Variants in SLC5A12 observed in about 807,000 individuals in gnomAD.
SLC5A12 encodes the protein solute carrier family 5 member 12.
Under a neutral mutation model 72.7 loss-of-function variants are expected in SLC5A12, and 46 were observed. The ratio of observed to expected loss-of-function variants is 0.63; its 90% CI spans 0.50 to 0.81. The LOEUF (loss-of-function observed/expected upper bound fraction) is 0.81, where lower values mean the gene tolerates loss of function less well. SLC5A12 is among the 30% of genes least tolerant of loss of function. SLC5A12 has a pLI of 0.00. For synonymous variants in SLC5A12, 275 were observed against 264.4 expected (o/e 1.04, Z -0.39); for missense variants, 683 against 740.7 (o/e 0.92, Z 0.90).
chr11:26,722,904 C>A (rs12224615), upstream of SLC5A12, among the ~76,000 whole-genome samples: 84 of 150,616 alleles, frequency 5.6e-4, no homozygotes, highest in Non-Finnish European at 1.0e-3. Flanking sequence ...CTCTGTGAAG[C>A]TTTTCTGCCT....
chr11:26,675,087 C>CTGAATCAGAATAATTTAATT (rs1854235714), intron 13 of SLC5A12, among the ~76,000 whole-genome samples: 1 of 152,154 alleles, frequency 6.6e-6, no homozygotes, highest in African/African-American at 2.4e-5. Context: ...AAGGGCATCT[C>CTGAATCAGAATAATTTAATT]TGAATCAGAA....
Position 26,703,574 on chromosome 11 carries a change from T to C in SLC5A12, c.778A>G (p.Ile260Val). Residue 260 changes from isoleucine (I) to valine (V), a missense_variant, in exon 6 of 15, where the codon ATT becomes GTT. Ile to Val is a conservative substitution (Grantham distance 29). Transcript: ENST00000396005. ...GTTTTGCAAGAGATGCATCGCTGAA[T>C]AGTTGATTGATTGACCCCATAGATT... ...LGIYGVNQST[I>V]QRCISCKTEK... is the part of the protein sequence containing the mutation. 1 of 1,613,990 alleles carries C rather than the reference T, an allele frequency of 6.2e-7. No homozygotes were observed. Among genetic ancestry groups the C allele is most frequent in the Non-Finnish European group, 8.5e-7 (1 of 1,179,956 alleles).
chr11:26,716,112 G>A (rs1012754659), intron 1 of SLC5A12, among the ~76,000 whole-genome samples: 1 of 152,112 alleles, frequency 6.6e-6, no homozygotes, highest in Non-Finnish European at 1.5e-5. Flanking sequence ...AGGAAGTCTG[G>A]AAAACATAAG....
chr11:26,697,272 T>TA lies in SLC5A12; in HGVS notation c.952-21dup, dbSNP rs57129253. On this transcript the variant is annotated intron_variant, in intron 7 of 14. Transcript: ENST00000396005. The stretch of plus-strand genomic sequence containing the variant: ...CATCAGCTGAAGAGGAGGCAAAACA[T>TA]AAAAAAATAAATAAAAAGAAGAAAG... 35 of 1,564,690 alleles carry TA rather than the reference T, an allele frequency of 2.2e-5. No individual in the cohort carries two copies. Among genetic ancestry groups the TA allele is most frequent in the Non-Finnish European group, 2.9e-5 (33 of 1,156,004 alleles).
At chr11:26,720,876 T>C (rs1855464174) in intron 1 of SLC5A12, among the ~76,000 whole-genome samples, 1 of 152,196 alleles carries the variant, frequency 6.6e-6, no homozygotes, top group African/African-American at 2.4e-5. Flanking sequence ...ATAATTTGTA[T>C]TAAAATGCCC....
intron 9 of SLC5A12, among the ~76,000 whole-genome samples, chr11:26,691,194 A>G (rs982059014): frequency 6.6e-6 from 1 of 152,146 alleles, no homozygotes; most frequent in Non-Finnish European, 1.5e-5. Context: ...AAAATGCTGT[A>G]TATATCAAAA....
In SLC5A12 at chr11:26,709,632, C is replaced by A. The variant is rs1335671850; in HGVS notation, c.458-253G>T. On this transcript the variant is annotated intron_variant, in intron 3 of 14. Transcript: ENST00000396005. ...TGTTCCTCCTAAGATTTTGTAGCTT[C>A]CAATCTTTGATCCAAATGTTTTGTT... is the stretch of plus-strand genomic sequence containing the variant. Among the ~76,000 whole-genome samples the A allele has an allele frequency of 2.0e-5, 3 of 152,066 alleles. No individual in the cohort carries two copies. In the East Asian group the frequency reaches 5.8e-4, roughly 29 times the overall value.
chr11:26,671,226 C>T lies in SLC5A12; in HGVS notation c.1733G>A (p.Arg578Gln), dbSNP rs151303131. 3.6e-4 allele frequency: 573 copies of T among 1,602,780 alleles called. 1 individual carries two copies. In the African/African-American group the frequency reaches 3.9e-3, roughly 11 times the overall value. Residue 578 changes from arginine (R) to glutamine (Q), a missense_variant, in exon 15 of 15, where the codon CGG (arginine) becomes CAG (glutamine). By Grantham distance (43) the Arg-to-Gln change is conservative. Transcript: ENST00000396005. ...EQENLENGSA[R>Q]KQGAESVLQN... ...TAAGACAGATTCAGCCCCCTGTTTC[C>T]GGGCACTGCCATTCTCAAGGTTTTC... is the stretch of plus-strand genomic sequence containing the variant.
rs1565179522 is a variant in SLC5A12 at position 26,669,200 on chromosome 11, T to TTTCTTTCTTTCTTTCTTTCTTTCTTTC, written c.*1901_*1902insGAAAGAAAGAAAGAAAGAAAGAAAGAA. ...CTTTCTTTCTTCTTTTCTTTCTTTCTTTCTTTCTTTCTTTCTTTCTCTCTC... is the reference window on the plus strand; with the variant it reads ...CTTTCTTTCTTCTTTTCTTTCTTTCTTTCTTTCTTTCTTTCTTTCTTTCTTTCTTCTTTCTTTCTTTCTTTCTCTCTC... On this transcript the variant is annotated 3_prime_UTR_variant, in exon 15 of 15. Coordinates refer to ENST00000396005, the MANE Select transcript of SLC5A12 (RefSeq NM_178498.4). The TTTCTTTCTTTCTTTCTTTCTTTCTTTC allele has an allele frequency of 7.3e-6, 1 of 137,304 alleles. No individual in the cohort carries two copies. Among genetic ancestry groups the TTTCTTTCTTTCTTTCTTTCTTTCTTTC allele is most frequent in the African/African-American group, 2.9e-5 (1 of 34,848 alleles). The allele number at this position is 137,304 out of a possible 1,614,324, so 8.5% of individuals were successfully genotyped here. A position where few individuals can be genotyped will look rare whatever the true frequency, so the allele number is the denominator to read the frequency against.
At chr11:26,692,198 CTGGGCCGTA>C in intron 9 of SLC5A12, 1 of 239,904 alleles carries the variant, frequency 4.2e-6, no homozygotes, top group East Asian at 8.5e-5. Context: ...CAAAGCCATC[CTGGGCCGTA>C]TGCGGCCCAC....
chr11:26,696,058 G>A (rs1854804189), intron 8 of SLC5A12, among the ~76,000 whole-genome samples: 1 of 152,088 alleles, frequency 6.6e-6, no homozygotes, highest in South Asian at 2.1e-4. Context: ...AGACCCTATC[G>A]AAATTAGAAT....
chr11:26,672,339 T>C (rs1396054222), intron 14 of SLC5A12, among the ~76,000 whole-genome samples: 8 of 152,094 alleles, frequency 5.3e-5, no homozygotes. Flanking sequence ...AAGAATAAAA[T>C]GTCTGGGACT....
intron 9 of SLC5A12, among the ~76,000 whole-genome samples, chr11:26,687,204 A>G (rs887153179): frequency 1.3e-5 from 2 of 152,234 alleles, no homozygotes; most frequent in Non-Finnish European, 2.9e-5. Flanking sequence ...TTTAAAAATA[A>G]TATCTTCTTC....
intron 4 of SLC5A12, among the ~76,000 whole-genome samples, chr11:26,707,947 C>T (rs555154410): frequency 6.6e-6 from 1 of 151,836 alleles, no homozygotes; most frequent in South Asian, 2.1e-4. Context: ...CCAGCTCCCC[C>T]CAAGGATTCT....
intron 13 of SLC5A12, among the ~76,000 whole-genome samples, chr11:26,676,861 T>C (rs1181661034): frequency 6.6e-6 from 1 of 152,060 alleles, no homozygotes; most frequent in Non-Finnish European, 1.5e-5. Flanking sequence ...AAACAGCATA[T>C]CTTCGAGGTG....
chr11:26,700,825 T>C (rs1854941354), intron 6 of SLC5A12, among the ~76,000 whole-genome samples: 1 of 152,242 alleles, frequency 6.6e-6, no homozygotes. Flanking sequence ...TGGTGACTAA[T>C]CACATTTCTG....
In SLC5A12 at chr11:26,673,549, T is replaced by C; in HGVS notation, c.1580-20A>G. On this transcript the variant is annotated intron_variant, in intron 13 of 14. Transcript: ENST00000396005. ...GGCGACCTATTAACAAAAGAACAAA[T>C]AGATTAGATGGTTGCAGGCCTCCAT... is the stretch of plus-strand genomic sequence containing the variant. 6.3e-7 allele frequency: 1 copy of C among 1,590,110 alleles called. No individual in the cohort carries two copies. The highest frequency in any genetic ancestry group is 1.2e-5 in the South Asian group (1 of 86,130).
chr11:26,671,011 A>G lies in SLC5A12; in HGVS notation c.*91T>C, dbSNP rs1854126248. On this transcript the variant is annotated 3_prime_UTR_variant, in exon 15 of 15. Coordinates refer to ENST00000396005, the MANE Select transcript of SLC5A12 (RefSeq NM_178498.4). ...TGTCTTCTAGCAATGGCAACTATAC[A>G]TATCTACTAACAAGTAGGCAAGAAG... The G allele has an allele frequency of 3.9e-5, 48 of 1,235,940 alleles. No individual in the cohort carries two copies. In the South Asian group the frequency reaches 8.1e-4, roughly 21 times the overall value. 76.6% of individuals were successfully genotyped at this position (1,235,940 alleles called of 1,614,324 possible).
At chr11:26,694,126 G>T (rs900652447) in intron 8 of SLC5A12, among the ~76,000 whole-genome samples, 20 of 152,096 alleles carry the variant, frequency 1.3e-4, no homozygotes, top group Non-Finnish European at 2.6e-4. Flanking sequence ...GCAGTCAGGT[G>T]TATCCATATG....
Sources: gnomAD v4.1 joint callset for allele counts (sites outside exome capture counted in the v4.1 genomes callset) on GRCh38, gnomAD v4.1.1 for gene constraint, MANE v1.5 for transcripts, NCBI Gene and HGNC (gene_info 2026-07-23, HGNC 2026-07-21) for gene names.